The following EYA2 variants were observed in gnomAD, a reference collection of about 807,000 sequenced individuals.
The protein encoded by EYA2 is EYA transcriptional coactivator and phosphatase 2, also known as protein phosphatase EYA2.
EYA2 carries 31 observed loss-of-function variants against 69.2 expected under a neutral mutation model. The observed-to-expected ratio is 0.45, with a 90% CI of 0.34 to 0.60. The LOEUF is 0.60. EYA2 is among the 20% of genes least tolerant of loss of function. The pLI is 0.02. For missense variants in EYA2, 622 were observed against 701.2 expected (o/e 0.89, Z 1.28); for synonymous variants, 257 against 279.4 (o/e 0.92, Z 0.80).
chr20:46,994,285 A>G (rs112993719), intron 2 of EYA2, among the ~76,000 whole-genome samples: 10 of 152,354 alleles, frequency 6.6e-5, no homozygotes, highest in Middle Eastern at 3.4e-3. Flanking sequence ...TGTAGGAACC[A>G]CTTGAGAAAT....
intron 5 of EYA2, among the ~76,000 whole-genome samples, chr20:47,040,580 G>A (rs564583027): frequency 4.0e-4 from 61 of 152,298 alleles, no homozygotes; most frequent in African/African-American, 1.3e-3. Context: ...TCTGTTACAC[G>A]CTCTGCTGTT....
intron 8 of EYA2, among the ~76,000 whole-genome samples, chr20:47,089,896 TG>T (rs2032020097): frequency 6.6e-6 from 1 of 151,626 alleles, no homozygotes; most frequent in Non-Finnish European, 1.5e-5. Flanking sequence ...AAAGACTCAC[TG>T]GAGGAACTAG....
intron 5 of EYA2, among the ~76,000 whole-genome samples, chr20:47,016,745 A>G (rs1420354296): frequency 6.6e-6 from 1 of 152,228 alleles, no homozygotes; most frequent in Non-Finnish European, 1.5e-5. Context: ...CAAACTGTGC[A>G]TGCAGGGAAA....
intron 5 of EYA2, among the ~76,000 whole-genome samples, chr20:47,019,900 G>T (rs537007275): frequency 6.6e-6 from 1 of 151,346 alleles, no homozygotes; most frequent in Admixed American, 6.6e-5. Flanking sequence ...CAGCCTGGGA[G>T]GTCAATGCTG....
intron 7 of EYA2, among the ~76,000 whole-genome samples, chr20:47,077,816 CAA>C (rs1480151979): frequency 2.0e-5 from 3 of 152,138 alleles, no homozygotes; most frequent in Non-Finnish European, 4.4e-5. Context: ...TGAAGTTTAA[CAA>C]AGTTTTTCTC....
At chr20:47,131,647 TA>T (rs1182235371) in intron 9 of EYA2, among the ~76,000 whole-genome samples, 1 of 152,046 alleles carries the variant, frequency 6.6e-6, no homozygotes, top group East Asian at 1.9e-4. Flanking sequence ...AGAAGCAAGA[TA>T]TTGGAGTGAC....
intron 2 of EYA2, among the ~76,000 whole-genome samples, chr20:46,999,955 C>CT (rs1982254524): frequency 6.6e-6 from 1 of 152,216 alleles, no homozygotes; most frequent in African/African-American, 2.4e-5. Flanking sequence ...TAGTCAACCT[C>CT]TAAGTGAATG....
chr20:47,046,581 A>T (rs2030049121), intron 5 of EYA2, among the ~76,000 whole-genome samples: 1 of 152,074 alleles, frequency 6.6e-6, no homozygotes, highest in Admixed American at 6.5e-5. Context: ...GTGAGCTTTG[A>T]TGGGAGGCTT....
At chr20:47,145,609 G>A (rs2033683725) in intron 10 of EYA2, among the ~76,000 whole-genome samples, 1 of 152,156 alleles carries the variant, frequency 6.6e-6, no homozygotes, top group Non-Finnish European at 1.5e-5. Context: ...AGTCAGAGGA[G>A]AAATGTGGTC....
chr20:47,098,876 T>A (rs1260681734), intron 9 of EYA2, among the ~76,000 whole-genome samples: 1 of 152,242 alleles, frequency 6.6e-6, no homozygotes, highest in East Asian at 1.9e-4. Flanking sequence ...ATGAGTAGCC[T>A]CCTGCCCCAT....
intron 1 of EYA2, among the ~76,000 whole-genome samples, chr20:46,933,276 T>C (rs753699036): frequency 6.6e-6 from 1 of 152,090 alleles, no homozygotes; most frequent in Non-Finnish European, 1.5e-5. Context: ...CGATGTGAGC[T>C]CAGGGCAGGT....
intron 14 of EYA2, among the ~76,000 whole-genome samples, chr20:47,181,808 T>C (rs529713684): frequency 6.6e-6 from 1 of 152,364 alleles, no homozygotes; most frequent in East Asian, 1.9e-4. Context: ...AAACATTATA[T>C]GAAAGTGCCT....
chr20:46,931,892 G>A (rs1171922225), intron 1 of EYA2, among the ~76,000 whole-genome samples: 1 of 151,662 alleles, frequency 6.6e-6, no homozygotes, highest in Admixed American at 6.6e-5. Flanking sequence ...GGAGAATTAT[G>A]GAACTGTCTT....
At chr20:47,092,693 ATAT>A (rs2032121691) in intron 8 of EYA2, among the ~76,000 whole-genome samples, 1 of 152,146 alleles carries the variant, frequency 6.6e-6, no homozygotes, top group African/African-American at 2.4e-5. Flanking sequence ...TTATAGGGTG[ATAT>A]TATTCTGGAA....
chr20:46,945,976 G>A (rs1392488811), intron 1 of EYA2, among the ~76,000 whole-genome samples: 1 of 152,188 alleles, frequency 6.6e-6, no homozygotes, highest in African/African-American at 2.4e-5. Flanking sequence ...GTGTGCCTGG[G>A]ATGAGAGCAC....
chr20:47,036,440 C>T (rs957285623), intron 5 of EYA2, among the ~76,000 whole-genome samples: 2 of 152,168 alleles, frequency 1.3e-5, no homozygotes, highest in African/African-American at 4.8e-5. Flanking sequence ...CCAATCAGCC[C>T]AGGGTTCTGG....
rs575283893 is a variant in EYA2, at chr20:47,082,964, A to G, written c.662-6275A>G. On this transcript the variant is annotated intron_variant, in intron 7 of 15. Coordinates refer to ENST00000327619, the MANE Select transcript of EYA2 (RefSeq NM_005244.5). The stretch of plus-strand genomic sequence containing the variant: ...ATCCCAGCACTTTGGGAGGCCGAAG[A>G]GGGAGGATCACTTGAGGCCAGAAGT... Among the ~76,000 whole-genome samples, 3 of 152,032 alleles carry G rather than the reference A, an allele frequency of 2.0e-5. No homozygotes were observed. In the East Asian group the frequency reaches 5.8e-4, roughly 30 times the overall value.
chr20:46,961,987 T>G (rs904454237), intron 1 of EYA2, among the ~76,000 whole-genome samples: 6 of 152,232 alleles, frequency 3.9e-5, no homozygotes, highest in African/African-American at 1.4e-4. Context: ...CAATTGACTA[T>G]GTATTTTCAA....
At chr20:47,165,654 A>G (rs114714888) in intron 10 of EYA2, among the ~76,000 whole-genome samples, 2,543 of 152,300 alleles carry the variant, frequency 0.017, 72 homozygotes, top group African/African-American at 0.058. Context: ...GTCACCTGCC[A>G]CAAAGTTGCT....
Sources: allele counts gnomAD v4.1 joint callset (sites outside exome capture counted in the v4.1 genomes callset), GRCh38; gene constraint gnomAD v4.1.1; transcripts MANE v1.5; gene names NCBI Gene and HGNC (gene_info 2026-07-23, HGNC 2026-07-21).